Variants in GPR161 observed in about 807,000 individuals in gnomAD.
GPR161 encodes G protein-coupled receptor 161.
In GPR161, 25 loss-of-function variants were observed where a neutral mutation model predicts 39.2. The ratio of observed to expected loss-of-function variants is 0.64; its 90% CI spans 0.47 to 0.89. GPR161 has a LOEUF of 0.89. Among genes scored for constraint, GPR161 ranks in the 40% least tolerant of loss-of-function variants. The pLI is 0.00. For missense variants in GPR161, 547 were observed against 677.8 expected, an observed-to-expected ratio of 0.81 and a Z score of 2.14; for synonymous variants, 286 against 276.6, an observed-to-expected ratio of 1.03 and a Z score of -0.34.
chr1:168,093,209 C>T (rs908380760), intron 3 of GPR161, among the ~76,000 whole-genome samples: 7 of 152,158 alleles, frequency 4.6e-5, no homozygotes, highest in African/African-American at 1.4e-4. Flanking sequence ...TGGCAACCTC[C>T]AGGAAGTCCA....
intron 1 of GPR161, among the ~76,000 whole-genome samples, chr1:168,135,650 C>T (rs1457952139): frequency 1.4e-5 from 2 of 142,146 alleles, no homozygotes; most frequent in Non-Finnish European, 3.0e-5. Context: ...TCTGGAGGTC[C>T]AGGTCACTAG....
intron 1 of GPR161, among the ~76,000 whole-genome samples, chr1:168,122,457 G>A (rs933495926): frequency 6.6e-6 from 1 of 152,118 alleles, no homozygotes; most frequent in African/African-American, 2.4e-5. Flanking sequence ...CAGTGAGCCT[G>A]TTAAAACAGA....
chr1:168,115,940 T>C (rs1697595000), intron 1 of GPR161, among the ~76,000 whole-genome samples: 2 of 151,834 alleles, frequency 1.3e-5, no homozygotes, highest in Admixed American at 1.3e-4. Flanking sequence ...CACGCCCGGC[T>C]AATTTTTTTT....
chr1:168,103,439 A>AG (rs1332870732), intron 2 of GPR161, among the ~76,000 whole-genome samples: 2 of 138,102 alleles, frequency 1.4e-5, no homozygotes, highest in East Asian at 2.0e-4. Context: ...AAAAAAAAAA[A>AG]AAAGAGAAGC....
At chr1:168,126,075 T>C (rs1698565651) in intron 1 of GPR161, among the ~76,000 whole-genome samples, 1 of 152,274 alleles carries the variant, frequency 6.6e-6, no homozygotes, top group African/African-American at 2.4e-5. Context: ...TAAACTATTA[T>C]TCTGAAAACG....
At chr1:168,105,095 C>T (rs1338853570) in intron 1 of GPR161, among the ~76,000 whole-genome samples, 1 of 152,162 alleles carries the variant, frequency 6.6e-6, no homozygotes, top group Admixed American at 6.5e-5. Context: ...TCATTACATC[C>T]CCCTGACCAA....
chr1:168,097,328 G>A (rs1695657215), intron 2 of GPR161, 96 bp from the exon 3 acceptor site: 8 of 1,313,010 alleles, frequency 6.1e-6, no homozygotes, highest in Admixed American at 4.4e-5. Flanking sequence ...TGGGTTGGAT[G>A]TTTCTAAAAG....
rs148000667 is a variant in GPR161 at position 168,108,657 on chromosome 1, T to C, written c.-44-3763A>G. On this transcript the variant is annotated intron_variant, in intron 1 of 5. Coordinates refer to ENST00000682931, the MANE Select transcript of GPR161 (RefSeq NM_001375883.1). Reference sequence around the variant, plus strand: ...AAATTTCTCTATTTCTTTATAGTTTTGATTTCTGAACCATGTAAATATTTT... The same window carrying C: ...AAATTTCTCTATTTCTTTATAGTTTCGATTTCTGAACCATGTAAATATTTT... Among the ~76,000 whole-genome samples, 352 of 152,046 alleles carry C rather than the reference T, an allele frequency of 2.3e-3. 2 individuals carry two copies. Among genetic ancestry groups the C allele is most frequent in the African/African-American group, 7.9e-3 (328 of 41,520 alleles).
Position 168,084,692 on chromosome 1 carries a change from G to A in GPR161, c.*839C>T, listed in dbSNP as rs1694305356. On this transcript the variant is annotated 3_prime_UTR_variant, in exon 6 of 6. Transcript: ENST00000682931. The stretch of plus-strand genomic sequence containing the variant: ...GAACAAATTCCCTTCCATAATAACA[G>A]TTTCTCTATTTCCTGGCTGTGCTTG... The A allele has an allele frequency of 1.6e-5, 6 of 375,916 alleles. No homozygotes were observed. Among genetic ancestry groups the A allele is most frequent in the South Asian group, 1.2e-4 (6 of 49,492 alleles). 23.3% of individuals were successfully genotyped at this position (375,916 alleles called of 1,614,324 possible).
Position 168,096,691 on chromosome 1 carries a change from C to T in GPR161, c.916G>A (p.Glu306Lys). The change falls in exon 3 of 6, where the codon GAG (glutamate) becomes AAG (lysine). Residue 306 changes from glutamate to lysine, a missense_variant. By Grantham distance (56) the Glu-to-Lys change is moderately conservative. Transcript: ENST00000682931. Reference sequence around the variant, plus strand: ...AAGGACAGCCATGTGGCCCAAGTCTCCAGGCTCGGGGAGACGGAGCTTTTC... The same window carrying T: ...AAGGACAGCCATGTGGCCCAAGTCTTCAGGCTCGGGGAGACGGAGCTTTTC... The part of the protein sequence containing the change: ...WGKSSVSPSL[E>K]TWATWLSFAS... The T allele has an allele frequency of 6.2e-7, 1 of 1,614,102 alleles. No individual in the cohort carries two copies. The highest frequency in any genetic ancestry group is 8.5e-7 in the Non-Finnish European group (1 of 1,180,014).
chr1:168,085,407 C>T lies in GPR161; in HGVS notation c.*124G>A. 2.3e-6 allele frequency: 2 copies of T among 860,362 alleles called. No individual in the cohort carries two copies. Among genetic ancestry groups the T allele is most frequent in the Non-Finnish European group, 1.8e-6 (1 of 542,788 alleles). The allele number at this position is 860,362 out of a possible 1,614,324, so 53.3% of individuals were successfully genotyped here. On this transcript the variant is annotated 3_prime_UTR_variant, in exon 6 of 6. Transcript: ENST00000682931. ...CCTGGTGGCTGCATACCAGATGCTG[C>T]TCCTTCCCTGTGTGTGGCCAGCTGT...
rs74549079 is a variant in GPR161, at chr1:168,125,092, T to C, written c.-45+11647A>G. ...CATATTCTCTGTCTCCTTTTTATACTTTCTCCGTAATTTCTTTCAACTTTC... is the reference window on the plus strand; with the variant it reads ...CATATTCTCTGTCTCCTTTTTATACCTTCTCCGTAATTTCTTTCAACTTTC... On this transcript the variant is annotated intron_variant, in intron 1 of 5. Coordinates refer to ENST00000682931, the MANE Select transcript of GPR161 (RefSeq NM_001375883.1). Among the ~76,000 whole-genome samples, 959 of 152,376 alleles carry C rather than the reference T, an allele frequency of 6.3e-3. 6 individuals are homozygous for C. The highest frequency in any genetic ancestry group is 0.022 in the African/African-American group (916 of 41,590).
chr1:168,088,633 T>C (rs1014007781), intron 4 of GPR161: 1 of 152,260 alleles, frequency 6.6e-6, no homozygotes, highest in African/African-American at 2.4e-5. Flanking sequence ...TCATTCAGTC[T>C]ACCTCACGGA....
chr1:168,122,410 T>C (rs965045910), intron 1 of GPR161, among the ~76,000 whole-genome samples: 1 of 152,176 alleles, frequency 6.6e-6, no homozygotes, highest in African/African-American at 2.4e-5. Context: ...CGAATCTACC[T>C]GCTTCCACCC....
chr1:168,116,969 G>A (rs1003709265), intron 1 of GPR161, among the ~76,000 whole-genome samples: 4 of 152,142 alleles, frequency 2.6e-5, no homozygotes, highest in African/African-American at 7.2e-5. Context: ...TTCTGAATTC[G>A]CCAATGGGAG....
chr1:168,108,664 T>C (rs2102187852), intron 1 of GPR161, among the ~76,000 whole-genome samples: 1 of 152,016 alleles, frequency 6.6e-6, no homozygotes, highest in Non-Finnish European at 1.5e-5. Context: ...TTTTGATTTC[T>C]GAACCATGTA....
chr1:168,126,769 A>G (rs1230432530), intron 1 of GPR161, among the ~76,000 whole-genome samples: 3 of 152,160 alleles, frequency 2.0e-5, no homozygotes, highest in African/African-American at 7.2e-5. Flanking sequence ...ACAAGTTTTT[A>G]TTTTAGGTGA....
chr1:168,108,082 G>T (rs1233064808), intron 1 of GPR161, among the ~76,000 whole-genome samples: 2 of 152,184 alleles, frequency 1.3e-5, no homozygotes, highest in African/African-American at 4.8e-5. Context: ...TCTGGTGAGG[G>T]CTTCAAGCTG....
chr1:168,095,565 G>A (rs760220253), intron 3 of GPR161, among the ~76,000 whole-genome samples: 20 of 152,326 alleles, frequency 1.3e-4, no homozygotes, highest in African/African-American at 2.9e-4. Context: ...TGTGCACACC[G>A]GATCAGTCAT....
Sources: allele counts gnomAD v4.1 joint callset (sites outside exome capture counted in the v4.1 genomes callset), GRCh38; gene constraint gnomAD v4.1.1; transcripts MANE v1.5; gene names NCBI Gene and HGNC (gene_info 2026-07-23, HGNC 2026-07-21).